Variants in PRUNE2 observed in about 807,000 individuals in gnomAD.
PRUNE2 encodes the protein protein prune homolog 2.
In PRUNE2, 164 loss-of-function variants were observed where a neutral mutation model predicts 252.0. The observed-to-expected ratio is 0.65, with a 90% CI of 0.57 to 0.74. PRUNE2 has a LOEUF of 0.74. Among genes scored for constraint, PRUNE2 ranks in the 30% least tolerant of loss-of-function variants. The probability of loss-of-function intolerance (pLI) is 0.00; values close to 1 mark genes in which losing one functional copy is unlikely to be tolerated. For missense variants in PRUNE2, 3,495 were observed against 3,711.0 expected, an observed-to-expected ratio of 0.94 and a Z score of 1.51; for synonymous variants, 1,292 against 1,350.2, an observed-to-expected ratio of 0.96 and a Z score of 0.94.
intron 1 of PRUNE2, among the ~76,000 whole-genome samples, chr9:76,879,610 TTG>T (rs111624418): frequency 2.0e-5 from 3 of 150,976 alleles, no homozygotes; most frequent in East Asian, 1.9e-4. Flanking sequence ...GGAAAAGTAA[TTG>T]TGTGTGTGTG....
intron 1 of PRUNE2, among the ~76,000 whole-genome samples, chr9:76,898,613 A>G (rs903457981): frequency 6.5e-4 from 99 of 152,300 alleles, no homozygotes; most frequent in African/African-American, 2.2e-3. Flanking sequence ...ATAAAAGTGC[A>G]TATACATTAA....
chr9:76,834,309 C>T (rs2058836817), intron 4 of PRUNE2, among the ~76,000 whole-genome samples: 1 of 152,198 alleles, frequency 6.6e-6, no homozygotes, highest in African/African-American at 2.4e-5. Context: ...TGTCTTTCCT[C>T]ATAGATGACA....
chr9:76,768,372 T>C (rs966728154), intron 6 of PRUNE2, among the ~76,000 whole-genome samples: 92 of 152,030 alleles, frequency 6.1e-4, no homozygotes, highest in African/African-American at 2.2e-3. Flanking sequence ...TTTGTATTTT[T>C]AGTAGTGACG....
At chr9:76,622,851 C>T (rs700806) in intron 17 of PRUNE2, among the ~76,000 whole-genome samples, 141,287 of 152,238 alleles carry the variant, frequency 0.93, 65,710 homozygotes, top group Admixed American at 0.96. Flanking sequence ...AATGAGAAGA[C>T]TGGAATATTG....
intron 6 of PRUNE2, among the ~76,000 whole-genome samples, chr9:76,815,800 T>C (rs1041004903): frequency 3.3e-5 from 5 of 152,118 alleles, no homozygotes; most frequent in Admixed American, 3.3e-4. Context: ...GACCAATAGG[T>C]AAAGCAGAGA....
chr9:76,631,785 G>GT (rs763130144), intron 15 of PRUNE2, among the ~76,000 whole-genome samples: 1 of 152,212 alleles, frequency 6.6e-6, no homozygotes, highest in Non-Finnish European at 1.5e-5. Flanking sequence ...AATGAGCATA[G>GT]TACCTGATAG....
At chr9:76,754,978 A>AAAAAAAAAAAC (rs2050988618) in intron 6 of PRUNE2, among the ~76,000 whole-genome samples, 1 of 147,702 alleles carries the variant, frequency 6.8e-6, no homozygotes, top group African/African-American at 2.5e-5. Context: ...AAAAAAAAAA[A>AAAAAAAAAAAC]AAAAAAAAAA....
intron 9 of PRUNE2, among the ~76,000 whole-genome samples, chr9:76,663,119 T>C (rs1473936109): frequency 6.6e-6 from 1 of 152,100 alleles, no homozygotes; most frequent in Non-Finnish European, 1.5e-5. Flanking sequence ...TTACTCAAAG[T>C]AGGAGGTGAG....
At chr9:76,737,978 CTTT>C (rs2049227494) in intron 6 of PRUNE2, 1 of 152,152 alleles carries the variant, frequency 6.6e-6, no homozygotes, top group South Asian at 2.1e-4. Flanking sequence ...AAGACTTCTT[CTTT>C]TAAGAGACTT....
chr9:76,711,298 C>T lies in PRUNE2; in HGVS notation c.976G>A (p.Gly326Ser), dbSNP rs557216409. Reference protein sequence around the residue: ...PCLELEPFDCGCDEILVYQQE... With the variant: ...PCLELEPFDCSCDEILVYQQE... Reference sequence around the variant, plus strand: ...TGGTACACCAGGATCTCATCACAGCCACAGTCAAAGGGCTCCAGTTCTAGG... The same window carrying T: ...TGGTACACCAGGATCTCATCACAGCTACAGTCAAAGGGCTCCAGTTCTAGG... Residue 326 changes from glycine to serine, a missense_variant, in exon 8 of 19, where the codon GGC becomes AGC. Coordinates refer to ENST00000376718, the MANE Select transcript of PRUNE2 (RefSeq NM_015225.3). 8.1e-5 allele frequency: 130 copies of T among 1,613,882 alleles called. 4 individuals carry two copies. The highest frequency in any genetic ancestry group is 6.8e-4 in the South Asian group (62 of 91,054).
chr9:76,700,743 CCTG>C (rs2134693442), intron 9 of PRUNE2, among the ~76,000 whole-genome samples: 1 of 152,330 alleles, frequency 6.6e-6, no homozygotes, highest in East Asian at 1.9e-4. Flanking sequence ...CACTCTGTCT[CCTG>C]TGTCTGACAG....
intron 9 of PRUNE2, among the ~76,000 whole-genome samples, chr9:76,669,575 C>A (rs968092509): frequency 8.5e-5 from 13 of 152,202 alleles, no homozygotes; most frequent in African/African-American, 3.1e-4. Flanking sequence ...CCACGTTAGC[C>A]TCCCAAAGTG....
At chr9:76,661,506 G>A (rs904455605) in intron 9 of PRUNE2, among the ~76,000 whole-genome samples, 19 of 152,270 alleles carry the variant, frequency 1.2e-4, no homozygotes, top group African/African-American at 4.6e-4. Flanking sequence ...GCCTCCCAAA[G>A]TGCTGGGATT....
At chr9:76,830,345 T>C (rs1209402254) in intron 4 of PRUNE2, among the ~76,000 whole-genome samples, 1 of 152,068 alleles carries the variant, frequency 6.6e-6, no homozygotes, top group Non-Finnish European at 1.5e-5. Context: ...AGAAAGACAT[T>C]ATTCAAACGT....
At chr9:76,897,441 G>A (rs773790960) in intron 1 of PRUNE2, among the ~76,000 whole-genome samples, 18 of 107,850 alleles carry the variant, frequency 1.7e-4, no homozygotes, top group South Asian at 6.6e-4. Flanking sequence ...ATGGAGTCTC[G>A]CTCTGTCATC....
chr9:76,816,373 T>C (rs113315065), intron 6 of PRUNE2, among the ~76,000 whole-genome samples: 7 of 152,164 alleles, frequency 4.6e-5, no homozygotes, highest in African/African-American at 1.2e-4. Flanking sequence ...GGATTTTTTA[T>C]TCTTTCATCT....
At chr9:76,751,542 C>T (rs2050615108) in intron 6 of PRUNE2, among the ~76,000 whole-genome samples, 1 of 152,176 alleles carries the variant, frequency 6.6e-6, no homozygotes, top group African/African-American at 2.4e-5. Flanking sequence ...CCTCTGATTT[C>T]CTTCTGCCCT....
chr9:76,730,700 G>A (rs1564170017), intron 6 of PRUNE2, among the ~76,000 whole-genome samples: 3 of 152,362 alleles, frequency 2.0e-5, no homozygotes. Flanking sequence ...AGGAGTTCAA[G>A]ACCAGCCTGA....
At chr9:76,677,144 A>G (rs762455155) in intron 9 of PRUNE2, among the ~76,000 whole-genome samples, 3 of 152,196 alleles carry the variant, frequency 2.0e-5, no homozygotes, top group Non-Finnish European at 2.9e-5. Context: ...CTGTTTTCCA[A>G]TATCTGCAGT....
Sources: gnomAD v4.1 joint callset for allele counts (sites outside exome capture counted in the v4.1 genomes callset) on GRCh38, gnomAD v4.1.1 for gene constraint, MANE v1.5 for transcripts, NCBI Gene and HGNC (gene_info 2026-07-23, HGNC 2026-07-21) for gene names.